SLC41A2: variants seen among roughly 807,000 people sequenced by gnomAD.
SLC41A2 encodes the protein solute carrier family 41 member 2, also known as SLC41A1-like 1.
In SLC41A2, 32 loss-of-function variants were observed where a neutral mutation model predicts 58.3. The ratio of observed to expected loss-of-function variants is 0.55; its 90% CI spans 0.41 to 0.74. The LOEUF (loss-of-function observed/expected upper bound fraction) is 0.74. Ranked by LOEUF, SLC41A2 falls within the 30% of genes least tolerant of loss-of-function variation. SLC41A2 has a pLI of 0.00. For missense variants in SLC41A2, 514 were observed against 680.6 expected (o/e 0.76, Z 2.72); for synonymous variants, 190 against 235.0 (o/e 0.81, Z 1.75).
At chr12:104,907,294 C>T (rs566346462) in intron 3 of SLC41A2, among the ~76,000 whole-genome samples, 1 of 151,728 alleles carries the variant, frequency 6.6e-6, no homozygotes, top group South Asian at 2.1e-4. Context: ...TCTGCTTCAG[C>T]CCAAGGAGCT....
At chr12:104,883,298 C>A (rs2044480228) in intron 6 of SLC41A2, among the ~76,000 whole-genome samples, 1 of 152,014 alleles carries the variant, frequency 6.6e-6, no homozygotes, top group African/African-American at 2.4e-5. Context: ...TCTGTTATTA[C>A]CAATCTTCTG....
intron 9 of SLC41A2, among the ~76,000 whole-genome samples, chr12:104,844,956 G>C (rs2042550419): frequency 1.0e-5 from 1 of 98,948 alleles, no homozygotes; most frequent in African/African-American, 4.2e-5. Context: ...TCTATCACTG[G>C]TATTAAAAGG....
At chr12:104,860,394 TAAA>T (rs745857381) in intron 8 of SLC41A2, among the ~76,000 whole-genome samples, 3 of 101,692 alleles carry the variant, frequency 3.0e-5, no homozygotes, top group Admixed American at 9.9e-5. Flanking sequence ...GAACTTAAAC[TAAA>T]AAAAAAAAAA....
chr12:104,864,611 T>G (rs2043346164), intron 7 of SLC41A2, among the ~76,000 whole-genome samples: 1 of 152,170 alleles, frequency 6.6e-6, no homozygotes, highest in Admixed American at 6.6e-5. Context: ...TCTTGTATTA[T>G]TTATTTGAGA....
At chr12:104,869,637 T>C (rs568683709) in intron 6 of SLC41A2, among the ~76,000 whole-genome samples, 5 of 152,258 alleles carry the variant, frequency 3.3e-5, no homozygotes, top group Admixed American at 6.5e-5. Flanking sequence ...ACCTGCCAAA[T>C]CCAACATGCC....
At chr12:104,870,651 C>G (rs1022058090) in intron 6 of SLC41A2, among the ~76,000 whole-genome samples, 7 of 152,220 alleles carry the variant, frequency 4.6e-5, no homozygotes, top group Non-Finnish European at 1.0e-4. Context: ...TGCCTCCTAA[C>G]TGGCAAACAT....
intron 8 of SLC41A2, among the ~76,000 whole-genome samples, chr12:104,853,636 G>A (rs2042883627): frequency 6.6e-6 from 1 of 152,012 alleles, no homozygotes; most frequent in African/African-American, 2.4e-5. Context: ...TGTAGACAAG[G>A]TGGTAAATGG....
chr12:104,947,901 T>C (rs1380852962), intron 1 of SLC41A2, among the ~76,000 whole-genome samples: 1 of 152,176 alleles, frequency 6.6e-6, no homozygotes, highest in African/African-American at 2.4e-5. Context: ...AATCATACAA[T>C]AAGGGTTATC....
intron 6 of SLC41A2, 127 bp downstream of exon 6, chr12:104,886,166 T>TA: frequency 1.1e-6 from 1 of 928,262 alleles, no homozygotes; most frequent in Non-Finnish European, 1.6e-6. Flanking sequence ...ATGATAGTTA[T>TA]CCTAATCAGT....
intron 3 of SLC41A2, among the ~76,000 whole-genome samples, chr12:104,906,454 A>C (rs190649242): frequency 9.6e-4 from 146 of 152,192 alleles, no homozygotes; most frequent in African/African-American, 3.2e-3. Context: ...AAAGGTGGGA[A>C]GGGAATTGGG....
chr12:104,950,976 A>G (rs2047930019), intron 1 of SLC41A2, among the ~76,000 whole-genome samples: 1 of 152,222 alleles, frequency 6.6e-6, no homozygotes, highest in African/African-American at 2.4e-5. Flanking sequence ...AGATTGAAAT[A>G]TCATTTTCAC....
chr12:104,837,372 G>A (rs2042247876), intron 10 of SLC41A2, among the ~76,000 whole-genome samples: 1 of 152,110 alleles, frequency 6.6e-6, no homozygotes, highest in Non-Finnish European at 1.5e-5. Flanking sequence ...GGATTCAGGG[G>A]ATCCTTGCTT....
chr12:104,806,709 C>T (rs1025118194), intron 10 of SLC41A2, among the ~76,000 whole-genome samples: 1 of 152,036 alleles, frequency 6.6e-6, no homozygotes, highest in African/African-American at 2.4e-5. Flanking sequence ...TATTTCTCCA[C>T]ATCCTCTCCA....
intron 10 of SLC41A2, among the ~76,000 whole-genome samples, chr12:104,818,701 AC>A (rs1377784021): frequency 6.6e-6 from 1 of 151,966 alleles, no homozygotes; most frequent in Non-Finnish European, 1.5e-5. Flanking sequence ...ACATGGTGAA[AC>A]CCCATCTCTA....
At chr12:104,849,784 T>C (rs145329214) in intron 8 of SLC41A2, among the ~76,000 whole-genome samples, 1 of 152,282 alleles carries the variant, frequency 6.6e-6, no homozygotes, top group Non-Finnish European at 1.5e-5. Context: ...GCCGTGGTCA[T>C]GCCACTGCAC....
At chr12:104,836,486 A>G (rs1348124041) in intron 10 of SLC41A2, among the ~76,000 whole-genome samples, 1 of 152,266 alleles carries the variant, frequency 6.6e-6, no homozygotes, top group East Asian at 1.9e-4. Flanking sequence ...TGAAGCATAT[A>G]AAATGGCTTA....
At chr12:104,955,134 G>A (rs11112254) in intron 1 of SLC41A2, among the ~76,000 whole-genome samples, 3 of 149,010 alleles carry the variant, frequency 2.0e-5, no homozygotes, top group Non-Finnish European at 4.4e-5. Flanking sequence ...TCCTGCCTCA[G>A]CCTTCTGAGA....
chr12:104,813,320 A>G (rs1319974441), intron 10 of SLC41A2, among the ~76,000 whole-genome samples: 1 of 152,202 alleles, frequency 6.6e-6, no homozygotes, highest in East Asian at 1.9e-4. Context: ...TCTGTGAGAA[A>G]TGACATTTAT....
In SLC41A2 at chr12:104,921,052, G is replaced by A. The variant is rs2046572645; in HGVS notation, c.555+6921C>T. Among the ~76,000 whole-genome samples, 3 of 151,626 alleles carry A rather than the reference G, an allele frequency of 2.0e-5. No homozygotes were observed. The South Asian group carries it at 6.3e-4, about 32-fold the overall frequency. ...ACTTGAGCCCAGGAATTTGAAGCTG[G>A]GCTCCAGTCTGGGAGAAAGAAACCC... On this transcript the variant is annotated intron_variant, in intron 2 of 10. Coordinates refer to ENST00000258538, the MANE Select transcript of SLC41A2 (RefSeq NM_001352171.3).
Sources: allele counts gnomAD v4.1 joint callset (sites outside exome capture counted in the v4.1 genomes callset), GRCh38; gene constraint gnomAD v4.1.1; transcripts MANE v1.5; gene names NCBI Gene and HGNC (gene_info 2026-07-23, HGNC 2026-07-21).